RASGRP1: variants seen among roughly 807,000 people sequenced by gnomAD.
RASGRP1 encodes RAS guanyl-releasing protein 1.
In RASGRP1, 37 loss-of-function variants were observed where a neutral mutation model predicts 95.1. The ratio of observed to expected loss-of-function variants is 0.39; its 90% CI spans 0.30 to 0.51. The LOEUF (loss-of-function observed/expected upper bound fraction) is 0.51. Ranked by LOEUF, RASGRP1 falls within the 20% of genes least tolerant of loss-of-function variation. RASGRP1 has a pLI of 0.80. For missense variants in RASGRP1, 711 were observed against 965.4 expected, an observed-to-expected ratio of 0.74 and a Z score of 3.49; for synonymous variants, 325 against 353.4, an observed-to-expected ratio of 0.92 and a Z score of 0.90.
At chr15:38,524,926 C>T (rs1293708897) in intron 3 of RASGRP1, among the ~76,000 whole-genome samples, 1 of 150,564 alleles carries the variant, frequency 6.6e-6, no homozygotes, top group Non-Finnish European at 1.5e-5. Flanking sequence ...TGTAGGCAGC[C>T]AGTAGTGCAC....
intron 2 of RASGRP1, among the ~76,000 whole-genome samples, chr15:38,531,977 G>T (rs1026980703): frequency 6.6e-6 from 1 of 151,856 alleles, no homozygotes; most frequent in African/African-American, 2.4e-5. Flanking sequence ...TCGGGGATAC[G>T]TCCCTTCCTG....
intron 6 of RASGRP1, among the ~76,000 whole-genome samples, chr15:38,515,713 C>T (rs1891731101): frequency 6.6e-6 from 1 of 151,830 alleles, no homozygotes; most frequent in Non-Finnish European, 1.5e-5. Context: ...TTTCCCAGAG[C>T]CATTCAAAGC....
chr15:38,521,478 C>T (rs954894335), intron 3 of RASGRP1, among the ~76,000 whole-genome samples: 3 of 152,142 alleles, frequency 2.0e-5, no homozygotes, highest in Admixed American at 6.6e-5. Flanking sequence ...TCAGTCTACA[C>T]GTGAGTGCTG....
intron 16 of RASGRP1, 126 bp downstream of exon 16, chr15:38,494,256 C>T: frequency 1.6e-6 from 2 of 1,239,432 alleles, no homozygotes; most frequent in Non-Finnish European, 2.3e-6. Context: ...TTTCTCCCCT[C>T]CTCCTTTTTT....
At position 38,559,873 on chromosome 15, in the gene RASGRP1, T is replaced by C. The variant is rs773063589; in HGVS notation, c.168A>G (p.Leu56=). 1 of 1,613,886 alleles carries C rather than the reference T, an allele frequency of 6.2e-7. No individual in the cohort carries two copies. Among genetic ancestry groups the C allele is most frequent in the African/African-American group, 1.3e-5 (1 of 74,942 alleles). The change falls in exon 2 of 17, where the codon TTA becomes TTG. Residue 56 remains leucine, a synonymous_variant. Transcript: ENST00000310803. ...QFRMMVSLGH[L]AKGASLDDLI... The stretch of plus-strand genomic sequence containing the variant: ...GATCGTCCAGGCTGGCTCCTTTGGC[T>C]AAATGTCCCAGAGACACCATCATTC...
intron 2 of RASGRP1, among the ~76,000 whole-genome samples, chr15:38,553,452 C>T (rs1483781042): frequency 6.6e-6 from 1 of 152,170 alleles, no homozygotes; most frequent in Non-Finnish European, 1.5e-5. Context: ...TAATCTGTTG[C>T]CAAAGTAGTA....
intron 1 of RASGRP1, among the ~76,000 whole-genome samples, chr15:38,561,832 AT>A (rs1893824023): frequency 6.6e-6 from 1 of 152,242 alleles, no homozygotes; most frequent in African/African-American, 2.4e-5. Context: ...TCTGGCCATA[AT>A]TGATTTTCAA....
intron 14 of RASGRP1, chr15:38,499,196 G>A (rs1318496291): frequency 1.6e-6 from 1 of 635,700 alleles, no homozygotes; most frequent in East Asian, 3.2e-5. Flanking sequence ...TTGGAGGGAA[G>A]AGATGGTGTC....
intron 3 of RASGRP1, 106 bp downstream of exon 3, chr15:38,526,193 C>A (rs1448895247): frequency 1.1e-6 from 1 of 877,362 alleles, no homozygotes; most frequent in African/African-American, 1.7e-5. Context: ...CTATTTGCCA[C>A]TCAGGGTTAT....
intron 2 of RASGRP1, among the ~76,000 whole-genome samples, chr15:38,543,648 C>CTTTTTTTTT (rs11450286): frequency 1.0e-4 from 5 of 49,496 alleles, no homozygotes; most frequent in Admixed American, 2.5e-4. Flanking sequence ...TTCTTTTTTT[C>CTTTTTTTTT]TTTTTTTTTT....
At chr15:38,519,756 A>G (rs527770946) in intron 3 of RASGRP1, among the ~76,000 whole-genome samples, 18 of 152,326 alleles carry the variant, frequency 1.2e-4, no homozygotes, top group African/African-American at 3.1e-4. Flanking sequence ...ATGAAGCAGA[A>G]AAAAAAGAAA....
chr15:38,516,655 G>A lies in RASGRP1; in HGVS notation c.522-305C>T, dbSNP rs578234929. Among the ~76,000 whole-genome samples, 17 of 151,890 alleles carry A rather than the reference G, an allele frequency of 1.1e-4. No homozygotes were observed. The East Asian group carries it at 3.1e-3, about 28-fold the overall frequency. ...GTATCGGTCAGTTTCCTTGCCTTTG[G>A]TCCTGGCTCCTTTGTGTATCATCTG... On this transcript the variant is annotated intron_variant, in intron 5 of 16. Transcript: ENST00000310803.
At chr15:38,502,262 A>G (rs552886436) in intron 12 of RASGRP1, 50 bp downstream of exon 12, 78 of 1,332,380 alleles carry the variant, frequency 5.9e-5, no homozygotes, top group East Asian at 2.3e-4. Flanking sequence ...CTATAAACCT[A>G]TTCTCACCAA....
intron 2 of RASGRP1, among the ~76,000 whole-genome samples, chr15:38,550,255 A>G (rs368132914): frequency 5.0e-4 from 76 of 151,414 alleles, no homozygotes; most frequent in Non-Finnish European, 9.0e-4. Context: ...AAAAAAAAAA[A>G]AAAAGAAAAG....
chr15:38,514,895 C>G (rs1188250575), intron 6 of RASGRP1, among the ~76,000 whole-genome samples: 1 of 152,220 alleles, frequency 6.6e-6, no homozygotes, highest in African/African-American at 2.4e-5. Flanking sequence ...TGGCTCAGCT[C>G]TGACTGCTGT....
At chr15:38,555,746 G>A (rs1893530811) in intron 2 of RASGRP1, among the ~76,000 whole-genome samples, 1 of 152,166 alleles carries the variant, frequency 6.6e-6, no homozygotes, top group Non-Finnish European at 1.5e-5. Context: ...AAATAAGTCA[G>A]TCCATAAATA....
intron 3 of RASGRP1, among the ~76,000 whole-genome samples, chr15:38,520,674 AAC>A (rs201013006): frequency 0.011 from 1,702 of 152,324 alleles, 19 homozygotes; most frequent in Non-Finnish European, 0.019. Flanking sequence ...AGTTATAAAA[AAC>A]TATTTAGAAT....
chr15:38,544,993 G>A (rs549311203), intron 2 of RASGRP1, among the ~76,000 whole-genome samples: 1 of 152,326 alleles, frequency 6.6e-6, no homozygotes, highest in East Asian at 1.9e-4. Context: ...AGATATGAAA[G>A]TTCTCCTTTT....
chr15:38,519,005 T>A (rs901569467), intron 4 of RASGRP1, among the ~76,000 whole-genome samples: 1 of 152,190 alleles, frequency 6.6e-6, no homozygotes, highest in East Asian at 1.9e-4. Flanking sequence ...TCTACATTTT[T>A]AAAAATGTTC....
Sources: gnomAD v4.1 joint callset for allele counts (sites outside exome capture counted in the v4.1 genomes callset) on GRCh38, gnomAD v4.1.1 for gene constraint, MANE v1.5 for transcripts, NCBI Gene and HGNC (gene_info 2026-07-23, HGNC 2026-07-21) for gene names.